Variants in IKZF2 observed in about 807,000 individuals in gnomAD.
IKZF2 encodes IKAROS family zinc finger 2, also known as zinc finger protein Helios.
IKZF2 carries 15 observed loss-of-function variants against 49.2 expected under a neutral mutation model. The ratio of observed to expected loss-of-function variants is 0.30; its 90% CI spans 0.20 to 0.47. The LOEUF is 0.47. IKZF2 is among the 20% of genes least tolerant of loss of function. The probability of loss-of-function intolerance (pLI) is 1.00; values close to 1 mark genes in which losing one functional copy is unlikely to be tolerated. For missense variants in IKZF2, 567 were observed against 664.6 expected, an observed-to-expected ratio of 0.85 and a Z score of 1.61; for synonymous variants, 227 against 221.4, an observed-to-expected ratio of 1.03 and a Z score of -0.23.
rs1184671386 is a variant in IKZF2, at chr2:213,022,141, A to T, written c.575-11T>A. On this transcript the variant is annotated splice_polypyrimidine_tract_variant and intron_variant, in intron 6 of 8. Coordinates refer to ENST00000434687, the MANE Select transcript of IKZF2 (RefSeq NM_001387220.1). ...TGTGAGGTTTACCCACTGTGAAGAG[A>T]ACTCAAGGTCAGTGTGCTGTTAGTC... The T allele has an allele frequency of 6.3e-7, 1 of 1,596,702 alleles. No homozygotes were observed. The highest frequency in any genetic ancestry group is 1.3e-5 in the African/African-American group (1 of 74,266).
chr2:213,036,510 T>G (rs1055709782), intron 6 of IKZF2, among the ~76,000 whole-genome samples: 3 of 152,158 alleles, frequency 2.0e-5, no homozygotes, highest in African/African-American at 7.2e-5. Flanking sequence ...CTAGTTAATA[T>G]AAGAATATTC....
intron 4 of IKZF2, among the ~76,000 whole-genome samples, chr2:213,120,485 A>G (rs1380134104): frequency 1.3e-5 from 2 of 152,244 alleles, no homozygotes; most frequent in African/African-American, 4.8e-5. Context: ...AGCACAGTAT[A>G]TGTGAAAAGG....
intron 4 of IKZF2, among the ~76,000 whole-genome samples, chr2:213,072,380 G>A (rs866984495): frequency 6.0e-5 from 9 of 149,500 alleles, no homozygotes; most frequent in South Asian, 2.1e-4. Flanking sequence ...TCATTTTGTC[G>A]CCAGCAAATA....
chr2:213,058,337 G>C (rs1701361314), intron 4 of IKZF2, among the ~76,000 whole-genome samples: 1 of 152,056 alleles, frequency 6.6e-6, no homozygotes, highest in African/African-American at 2.4e-5. Context: ...TAGGTATTAA[G>C]AACGAGGATA....
upstream of IKZF2, among the ~76,000 whole-genome samples, chr2:213,151,768 C>T (rs2061289528): frequency 6.8e-6 from 1 of 146,432 alleles, no homozygotes; most frequent in Admixed American, 6.8e-5. Context: ...GGCAGCGGAG[C>T]CCCGGGCGCG....
rs549149251 is a variant in IKZF2 at position 213,064,553 on chromosome 2, G to A, written c.140-7454C>T. Reference sequence around the variant, plus strand: ...TAGCTAACACAGTAGCACCATTGTGGCCCACAGACGGAGTTTCTATTTTTT... The same window carrying A: ...TAGCTAACACAGTAGCACCATTGTGACCCACAGACGGAGTTTCTATTTTTT... On this transcript the variant is annotated intron_variant, in intron 4 of 8. Coordinates refer to ENST00000434687, the MANE Select transcript of IKZF2 (RefSeq NM_001387220.1). Among the ~76,000 whole-genome samples, 5 of 152,034 alleles carry A rather than the reference G, an allele frequency of 3.3e-5. No homozygotes were observed. In the East Asian group the frequency reaches 9.7e-4, roughly 29 times the overall value.
intron 4 of IKZF2, among the ~76,000 whole-genome samples, chr2:213,122,352 C>G (rs1456058939): frequency 6.6e-6 from 1 of 152,218 alleles, no homozygotes; most frequent in East Asian, 1.9e-4. Context: ...TACTATCTGA[C>G]AGTATTTCCT....
At chr2:213,067,433 A>C (rs1702265468) in intron 4 of IKZF2, among the ~76,000 whole-genome samples, 1 of 152,118 alleles carries the variant, frequency 6.6e-6, no homozygotes, top group South Asian at 2.1e-4. Context: ...GAGAGGAAAA[A>C]GGCATGAGTA....
chr2:213,133,144 T>G (rs11687455), intron 4 of IKZF2, among the ~76,000 whole-genome samples: 10 of 152,242 alleles, frequency 6.6e-5, no homozygotes, highest in Non-Finnish European at 5.9e-5. Flanking sequence ...TTAGTTATTA[T>G]GTAATTCAAC....
At position 213,150,705 on chromosome 2, in the gene IKZF2, G is replaced by C. The variant is rs531544760; in HGVS notation, c.-119-458C>G. On this transcript the variant is annotated intron_variant, in intron 1 of 8. Transcript: ENST00000434687. ...AAGACAAGAAAACTGAAAGAAAAGG[G>C]GGGGGGGGCGGGTAGAGGGGAGGGA... Among the ~76,000 whole-genome samples the C allele has an allele frequency of 2.1e-4, 29 of 138,538 alleles. No homozygotes were observed. The South Asian group carries it at 3.1e-3, about 15-fold the overall frequency. 90.9% of individuals were successfully genotyped at this position (138,538 alleles called of 152,430 possible). A position where few individuals can be genotyped will look rare whatever the true frequency, so the allele number is the denominator to read the frequency against.
chr2:213,083,653 C>T (rs1347358443), intron 4 of IKZF2, among the ~76,000 whole-genome samples: 1 of 149,866 alleles, frequency 6.7e-6, no homozygotes, highest in South Asian at 2.1e-4. Context: ...CCGCCCACCT[C>T]GGCCTCCCAA....
At chr2:213,113,675 T>G (rs2059784498) in intron 4 of IKZF2, among the ~76,000 whole-genome samples, 1 of 152,152 alleles carries the variant, frequency 6.6e-6, no homozygotes, top group African/African-American at 2.4e-5. Context: ...TGTTGCTTGG[T>G]TTTTTTCCCC....
At chr2:213,039,492 C>T (rs1384878522) in intron 6 of IKZF2, among the ~76,000 whole-genome samples, 1 of 152,020 alleles carries the variant, frequency 6.6e-6, no homozygotes, top group African/African-American at 2.4e-5. Flanking sequence ...ACATAAACAA[C>T]AAACTTCATA....
chr2:213,025,554 G>C (rs1042535337), intron 6 of IKZF2, among the ~76,000 whole-genome samples: 1 of 152,114 alleles, frequency 6.6e-6, no homozygotes, highest in Non-Finnish European at 1.5e-5. Context: ...TTCATGAGGA[G>C]AGAGATCTTG....
chr2:213,113,921 T>C lies in IKZF2; in HGVS notation c.139+33787A>G, dbSNP rs2059792810. On this transcript the variant is annotated intron_variant, in intron 4 of 8. Coordinates refer to ENST00000434687, the MANE Select transcript of IKZF2 (RefSeq NM_001387220.1). ...TTATACTCATCACAAGGATGACAAG[T>C]GCTAGCAATGGCCAGAATGCCTATC... is the stretch of plus-strand genomic sequence containing the variant. 2.0e-5 allele frequency among the ~76,000 whole-genome samples: 3 copies of C among 152,178 alleles called. No individual in the cohort carries two copies. The South Asian group carries it at 6.2e-4, about 31-fold the overall frequency.
intron 4 of IKZF2, among the ~76,000 whole-genome samples, chr2:213,080,701 T>A (rs73990520): frequency 0.087 from 13,299 of 152,162 alleles, 1,043 homozygotes; most frequent in African/African-American, 0.21. Context: ...ACAACATTAA[T>A]CTTTAAATCA....
At position 213,004,062 on chromosome 2, in the gene IKZF2, C is replaced by A. The variant is rs1272209443; in HGVS notation, c.*3298G>T. 6.6e-6 allele frequency: 1 copy of A among 151,740 alleles called. No homozygotes were observed. Among genetic ancestry groups the A allele is most frequent in the Non-Finnish European group, 1.5e-5 (1 of 67,788 alleles). 9.4% of individuals were successfully genotyped at this position (151,740 alleles called of 1,614,324 possible). The stretch of plus-strand genomic sequence containing the variant: ...CTGATAAAGTAAACCCAACTAATTT[C>A]TTGGTATTAACTGTCATTTAAATTC... On this transcript the variant is annotated 3_prime_UTR_variant, in exon 9 of 9. Transcript: ENST00000434687.
intron 4 of IKZF2, among the ~76,000 whole-genome samples, chr2:213,071,441 G>A (rs780976484): frequency 6.6e-6 from 1 of 152,190 alleles, no homozygotes; most frequent in African/African-American, 2.4e-5. Flanking sequence ...TTTTACGCCC[G>A]GTTTCAAGGT....
At chr2:213,124,468 A>G (rs1191678124) in intron 4 of IKZF2, among the ~76,000 whole-genome samples, 1 of 152,248 alleles carries the variant, frequency 6.6e-6, no homozygotes, top group Non-Finnish European at 1.5e-5. Flanking sequence ...GAACAAACCC[A>G]GGTCCTAGGT....
Sources: gnomAD v4.1 joint callset for allele counts (sites outside exome capture counted in the v4.1 genomes callset) on GRCh38, gnomAD v4.1.1 for gene constraint, MANE v1.5 for transcripts, NCBI Gene and HGNC (gene_info 2026-07-23, HGNC 2026-07-21) for gene names.